The following NTSR2 variants were observed in gnomAD, a reference collection of about 807,000 sequenced individuals.
NTSR2 encodes the protein neurotensin receptor type 2.
Under a neutral mutation model 24.1 loss-of-function variants are expected in NTSR2, and 22 were observed. That is an observed-to-expected ratio of 0.91 (90% CI 0.65 to 1.30). The LOEUF (loss-of-function observed/expected upper bound fraction) is 1.30. Among genes scored for constraint, NTSR2 ranks in the 50% most tolerant of loss-of-function variants. The pLI, the probability that NTSR2 is intolerant of heterozygous loss-of-function variation, is 0.00. For synonymous variants in NTSR2, 291 were observed against 267.0 expected (o/e 1.09, Z -0.88); for missense variants, 570 against 570.4 (o/e 1.00, Z 0.01).
intron 2 of NTSR2, among the ~76,000 whole-genome samples, chr2:11,660,345 T>G (rs149682700): frequency 9.5e-4 from 144 of 152,300 alleles, no homozygotes; most frequent in African/African-American, 3.3e-3. Flanking sequence ...GTCCTCTGGA[T>G]AAGTGTCCAC....
chr2:11,669,460 G>GGGGGGGGGGGGGGGCCCCCCCCC, intron 1 of NTSR2, 46 bp downstream of exon 1: 16 of 254,720 alleles, frequency 6.3e-5, no homozygotes, highest in Non-Finnish European at 8.3e-5. Flanking sequence ...TCCCAGCACC[G>GGGGGGGGGGGGGGGCCCCCCCCC]CCCCCCCACC....
chr2:11,660,403 C>T (rs548799812), intron 2 of NTSR2, among the ~76,000 whole-genome samples: 9 of 152,324 alleles, frequency 5.9e-5, no homozygotes, highest in African/African-American at 1.9e-4. Context: ...TCCTCCTGGC[C>T]ACTAGAATAT....
intron 1 of NTSR2, among the ~76,000 whole-genome samples, chr2:11,666,380 AAAAAT>A (rs142671336): frequency 0.068 from 10,300 of 151,598 alleles, 493 homozygotes; most frequent in Admixed American, 0.12. Flanking sequence ...TTTCAAAGCA[AAAAAT>A]AAAATAAAAA....
At chr2:11,664,489 G>A (rs1661152711) in intron 1 of NTSR2, among the ~76,000 whole-genome samples, 1 of 152,088 alleles carries the variant, frequency 6.6e-6, no homozygotes, top group Non-Finnish European at 1.5e-5. Flanking sequence ...GCCTTTTTAT[G>A]GAGTTATCAT....
chr2:11,659,736 G>A (rs1159143005), intron 3 of NTSR2, among the ~76,000 whole-genome samples: 2 of 152,150 alleles, frequency 1.3e-5, no homozygotes, highest in Non-Finnish European at 2.9e-5. Flanking sequence ...AGAGAGAGAG[G>A]AAGCCTCAGA....
intron 1 of NTSR2, 152 bp from the exon 2 acceptor site, chr2:11,662,392 A>G: frequency 1.4e-6 from 1 of 708,962 alleles, no homozygotes; most frequent in Non-Finnish European, 2.1e-6. Flanking sequence ...AAGTGAGGAG[A>G]GAGAAAATAA....
intron 1 of NTSR2, among the ~76,000 whole-genome samples, chr2:11,668,148 A>T (rs1398426777): frequency 6.6e-6 from 1 of 152,210 alleles, no homozygotes; most frequent in Non-Finnish European, 1.5e-5. Flanking sequence ...AAGCGGCTCC[A>T]CTGAACACCC....
chr2:11,669,460 G>GGGGGGGGGGGGGGGGGGCCCCCCC, intron 1 of NTSR2, 46 bp downstream of exon 1: 2 of 254,726 alleles, frequency 7.9e-6, no homozygotes, highest in East Asian at 5.5e-5. Context: ...TCCCAGCACC[G>GGGGGGGGGGGGGGGGGGCCCCCCC]CCCCCCCACC....
chr2:11,666,215 TCTC>T (rs1661196210), intron 1 of NTSR2, among the ~76,000 whole-genome samples: 1 of 151,966 alleles, frequency 6.6e-6, no homozygotes, highest in East Asian at 1.9e-4. Flanking sequence ...CAGCTGGTCG[TCTC>T]CTTGCCAGTC....
In NTSR2 at chr2:11,669,683, T is replaced by A. The variant is rs1661284112; in HGVS notation, c.447A>T (p.Pro149=). The A allele has an allele frequency of 3.3e-6, 5 of 1,535,304 alleles. No individual in the cohort carries two copies. The highest frequency in any genetic ancestry group is 1.4e-5 in the African/African-American group (1 of 72,058). ...GCGCCACCAGCCACCGGGTCCGGCG[T>A]GGCGTCAGCAGGCTGCGGGCACGCA... The part of the protein sequence containing the change: ...QPLRARSLLT[P]RRTRWLVALS... Residue 149 remains proline (P), a synonymous_variant, in exon 1 of 4, where the codon CCA becomes CCT. Coordinates refer to ENST00000306928, the MANE Select transcript of NTSR2 (RefSeq NM_012344.4).
intron 1 of NTSR2, chr2:11,665,824 C>G (rs551297749): frequency 2.0e-5 from 3 of 153,186 alleles, no homozygotes; most frequent in Non-Finnish European, 4.4e-5. Context: ...CCCGTGGGTG[C>G]TCAAGCTTGT....
Position 11,667,890 on chromosome 2 carries a change from C to A in NTSR2, c.624+1616G>T, listed in dbSNP as rs114624751. Among the ~76,000 whole-genome samples, 738 of 152,278 alleles carry A rather than the reference C, an allele frequency of 4.8e-3. 8 individuals carry two copies. The highest frequency in any genetic ancestry group is 0.017 in the African/African-American group (687 of 41,552). ...ATTCCATGTGATGAGCAAGGGATCT[C>A]TGGGCTGAGCCTGTCAGAAAGGAAC... is the stretch of plus-strand genomic sequence containing the variant. On this transcript the variant is annotated intron_variant, in intron 1 of 3. Transcript: ENST00000306928.
intron 2 of NTSR2, 30 bp downstream of exon 2, chr2:11,661,937 C>T (rs1661079310): frequency 2.0e-6 from 3 of 1,520,758 alleles, no homozygotes; most frequent in Non-Finnish European, 2.6e-6. Flanking sequence ...AGGCCCCTTT[C>T]TTCTGGGGTG....
At chr2:11,660,409 A>G (rs925453838) in intron 2 of NTSR2, among the ~76,000 whole-genome samples, 2 of 152,160 alleles carry the variant, frequency 1.3e-5, no homozygotes, top group Admixed American at 1.3e-4. Flanking sequence ...TGGCCACTAG[A>G]ATATACTCCC....
At position 11,670,160 on chromosome 2, in the gene NTSR2, T is replaced by C; in HGVS notation, c.-31A>G. On this transcript the variant is annotated 5_prime_UTR_variant, in exon 1 of 4. Transcript: ENST00000306928. ...TCCCGCGGCCGGCGCTCCCTCCCTC[T>C]CACTGCCCGGAGTCTGGGCGAGCTG... The C allele has an allele frequency of 7.4e-7, 1 of 1,359,608 alleles. No individual in the cohort carries two copies. The highest frequency in any genetic ancestry group is 9.4e-7 in the Non-Finnish European group (1 of 1,064,280). 84.2% of individuals were successfully genotyped at this position (1,359,608 alleles called of 1,614,324 possible).
chr2:11,669,459 C>CGGGGGGGGGGGGGCG, intron 1 of NTSR2, 47 bp downstream of exon 1: 2 of 337,896 alleles, frequency 5.9e-6, no homozygotes. Context: ...CTCCCAGCAC[C>CGGGGGGGGGGGGGCG]GCCCCCCCAC....
chr2:11,669,733 G>A lies in NTSR2; in HGVS notation c.397C>T (p.Arg133Cys), dbSNP rs781174478. The A allele has an allele frequency of 7.8e-6, 12 of 1,531,934 alleles. No homozygotes were observed. The highest frequency in any genetic ancestry group is 1.4e-5 in the African/African-American group (1 of 72,334). 94.9% of individuals were successfully genotyped at this position (1,531,934 alleles called of 1,614,324 possible). A position where few individuals can be genotyped will look rare whatever the true frequency, so the allele number is the denominator to read the frequency against. The change falls in exon 1 of 4, where the codon CGC (arginine) becomes TGC (cysteine). Residue 133 changes from arginine (R) to cysteine (C), a missense_variant. Coordinates refer to ENST00000306928, the MANE Select transcript of NTSR2 (RefSeq NM_012344.4). ...VLSVAGLSAE[R>C]CLAVCQPLRA... The stretch of plus-strand genomic sequence containing the variant: ...AGGGGCTGGCACACGGCTAGGCAGC[G>A]CTCGGCGCTCAGGCCTGCCACGCTC...
chr2:11,668,289 C>T (rs768236321), intron 1 of NTSR2, among the ~76,000 whole-genome samples: 1 of 152,122 alleles, frequency 6.6e-6, no homozygotes, highest in Non-Finnish European at 1.5e-5. Flanking sequence ...TGAGCAGACA[C>T]GAACAAAGGT....
At chr2:11,664,454 AT>A (rs1167534307) in intron 1 of NTSR2, among the ~76,000 whole-genome samples, 1 of 152,162 alleles carries the variant, frequency 6.6e-6, no homozygotes, top group African/African-American at 2.4e-5. Flanking sequence ...TAAAATCAGT[AT>A]GAACTATCTG....
Sources: gnomAD v4.1 joint callset for allele counts (sites outside exome capture counted in the v4.1 genomes callset) on GRCh38, gnomAD v4.1.1 for gene constraint, MANE v1.5 for transcripts, NCBI Gene and HGNC (gene_info 2026-07-23, HGNC 2026-07-21) for gene names.